The following LBR variants were observed in gnomAD, a reference collection of about 807,000 sequenced individuals.
LBR encodes lamin B receptor.
In LBR, 28 loss-of-function variants were observed where a neutral mutation model predicts 74.3. That is an observed-to-expected ratio of 0.38 (90% CI 0.28 to 0.52). The LOEUF (loss-of-function observed/expected upper bound fraction) is 0.52. Among genes scored for constraint, LBR ranks in the 20% least tolerant of loss-of-function variants. LBR has a pLI of 0.89. For missense variants in LBR, 717 were observed against 760.3 expected (o/e 0.94, Z 0.67); for synonymous variants, 228 against 269.3 (o/e 0.85, Z 1.50).
Position 225,426,973 on chromosome 1 carries a change from T to C in LBR, c.-15+981A>G, listed in dbSNP as rs766642037. 2.0e-5 allele frequency among the ~76,000 whole-genome samples: 3 copies of C among 152,204 alleles called. No homozygotes were observed. The South Asian group carries it at 6.2e-4, about 32-fold the overall frequency. On this transcript the variant is annotated intron_variant, in intron 1 of 13. Transcript: ENST00000272163. ...CCCTCTGCTCTTCTCCGTAGCTCCA[T>C]CTTCTCCCACACACCAGTTACTACA...
At chr1:225,426,942 T>C (rs954432178) in intron 1 of LBR, among the ~76,000 whole-genome samples, 1 of 152,134 alleles carries the variant, frequency 6.6e-6, no homozygotes, top group Admixed American at 6.5e-5. Context: ...TAATCTAAAT[T>C]AGGATCCCTC....
rs557657265 is a variant in LBR, at chr1:225,401,528, T to C, written c.*1775A>G. 6.6e-6 allele frequency: 1 copy of C among 152,124 alleles called. No individual in the cohort carries two copies. 9.4% of individuals were successfully genotyped at this position (152,124 alleles called of 1,614,324 possible). A position where few individuals can be genotyped will look rare whatever the true frequency, so the allele number is the denominator to read the frequency against. ...GATCAAAATGTTGCTACATTTTATT[T>C]TCAACTTAAAACTTCATTATAAAAT... On this transcript the variant is annotated 3_prime_UTR_variant, in exon 14 of 14. Transcript: ENST00000272163.
chr1:225,423,984 T>C lies in LBR; in HGVS notation c.92A>G (p.Asp31Gly). 5.6e-6 allele frequency: 9 copies of C among 1,614,036 alleles called. No homozygotes were observed. The highest frequency in any genetic ancestry group is 6.8e-6 in the Non-Finnish European group (8 of 1,179,870). ...LYYEVEILSH[D>G]STSQLYTVKY... ...CACAGTGTAAAGCTGGGAGGTGCTG[T>C]CGTGGCTCAGAATTTCTACTTCATA... is the stretch of plus-strand genomic sequence containing the variant. The change falls in exon 2 of 14, where the codon GAC (aspartate) becomes GGC (glycine). Residue 31 changes from aspartate (D) to glycine (G), a missense_variant. Physicochemically the swap from Asp to Gly is moderately conservative, Grantham distance 94 (BLOSUM62 -1). Coordinates refer to ENST00000272163, the MANE Select transcript of LBR (RefSeq NM_002296.4).
In LBR at chr1:225,421,012, G is replaced by A. The variant is rs536152187; in HGVS notation, c.366+1065C>T. On this transcript the variant is annotated intron_variant, in intron 3 of 13. Transcript: ENST00000272163. Reference sequence around the variant, plus strand: ...AAATATGGAAGGAAAAACACTAAATGTCTATCATTGACAGAGCTGACTTTA... The same window carrying A: ...AAATATGGAAGGAAAAACACTAAATATCTATCATTGACAGAGCTGACTTTA... Among the ~76,000 whole-genome samples the A allele has an allele frequency of 5.9e-5, 9 of 152,228 alleles. No homozygotes were observed. The South Asian group carries it at 1.9e-3, about 32-fold the overall frequency.
In LBR at chr1:225,402,052, A is replaced by G. The variant is rs1439062048; in HGVS notation, c.*1251T>C. On this transcript the variant is annotated 3_prime_UTR_variant, in exon 14 of 14. Coordinates refer to ENST00000272163, the MANE Select transcript of LBR (RefSeq NM_002296.4). ...TTAGTGAATTTGCTACTGTTCCATT[A>G]CAGGACAATTAAAAATGAGACTATA... is the stretch of plus-strand genomic sequence containing the variant. The G allele has an allele frequency of 6.6e-6, 1 of 152,232 alleles. No individual in the cohort carries two copies. The highest frequency in any genetic ancestry group is 1.5e-5 in the Non-Finnish European group (1 of 68,040). 9.4% of individuals were successfully genotyped at this position (152,232 alleles called of 1,614,324 possible).
At chr1:225,412,916 C>G (rs1193940259) in intron 7 of LBR, among the ~76,000 whole-genome samples, 1 of 151,986 alleles carries the variant, frequency 6.6e-6, no homozygotes, top group Non-Finnish European at 1.5e-5. Flanking sequence ...TAAGGGAAAA[C>G]AGACAAGAAG....
intron 3 of LBR, among the ~76,000 whole-genome samples, chr1:225,420,100 G>A (rs2096124903): frequency 6.6e-6 from 1 of 152,112 alleles, no homozygotes; most frequent in Admixed American, 6.5e-5. Flanking sequence ...CTGAGGTCAG[G>A]AGTTCAAGAC....
chr1:225,407,838 C>T (rs1463736706), intron 10 of LBR, among the ~76,000 whole-genome samples: 2 of 152,078 alleles, frequency 1.3e-5, no homozygotes, highest in Non-Finnish European at 2.9e-5. Context: ...AAAAACCAAT[C>T]TCACAAAATC....
chr1:225,411,356 C>T lies in LBR; in HGVS notation c.1169G>A (p.Arg390His), dbSNP rs752549085. Residue 390 changes from arginine (R) to histidine (H), a missense_variant, in exon 9 of 14, where the codon CGC becomes CAC. Coordinates refer to ENST00000272163, the MANE Select transcript of LBR (RefSeq NM_002296.4). ...ACATACCCATCCAATCAATCCGGGG[C>T]GCAATTCACAAAAGTATTTGAGATC... ...TFDLKYFCELRPGLIGWVVIN... is the reference protein window; with the variant it reads ...TFDLKYFCELHPGLIGWVVIN... The T allele has an allele frequency of 1.1e-5, 18 of 1,613,042 alleles. No homozygotes were observed. Among genetic ancestry groups the T allele is most frequent in the Middle Eastern group, 1.6e-4 (1 of 6,082 alleles).
At chr1:225,404,765 G>A in intron 11 of LBR, 59 bp from the exon 12 acceptor site, 6 of 1,177,304 alleles carry the variant, frequency 5.1e-6, no homozygotes, top group Non-Finnish European at 5.1e-6. Flanking sequence ...ATGCTTAATA[G>A]CATCTGTAAT....
intron 8 of LBR, 22 bp from the exon 9 acceptor site, chr1:225,411,462 C>T: frequency 6.4e-7 from 1 of 1,567,602 alleles, no homozygotes; most frequent in Non-Finnish European, 8.8e-7. Context: ...AAAGTGTTTA[C>T]CCAAACAGCA....
chr1:225,404,600 T>TA (rs2096087686), intron 12 of LBR, 26 bp downstream of exon 12: 1 of 1,574,334 alleles, frequency 6.4e-7, no homozygotes, highest in Non-Finnish European at 8.7e-7. Context: ...GTAATATATA[T>TA]AATATAAACA....
At chr1:225,418,863 C>G (rs1399705361) in intron 5 of LBR, among the ~76,000 whole-genome samples, 1 of 152,208 alleles carries the variant, frequency 6.6e-6, no homozygotes, top group Non-Finnish European at 1.5e-5. Context: ...CCATTTTATG[C>G]AGGCAGCTGA....
intron 5 of LBR, 148 bp from the exon 6 acceptor site, chr1:225,418,328 T>C (rs1298018092): frequency 1.3e-6 from 1 of 776,200 alleles, no homozygotes; most frequent in African/African-American, 1.7e-5. Flanking sequence ...CTCCCATCTC[T>C]ACCTGTCACC....
chr1:225,418,024 A>C lies in LBR; in HGVS notation c.797T>G (p.Phe266Cys). Residue 266 changes from phenylalanine (F) to cysteine (C), a missense_variant, in exon 6 of 14, where the codon TTT becomes TGT. Coordinates refer to ENST00000272163, the MANE Select transcript of LBR (RefSeq NM_002296.4). ...TAGGTAGAACAGGACTTGAATCAAA[A>C]ACCACAGGAGGTAGACCCCAAATAC... ...TRVFGVYLLWFLIQVLFYLLP... is the reference protein window; with the variant it reads ...TRVFGVYLLWCLIQVLFYLLP... The C allele has an allele frequency of 6.2e-7, 1 of 1,614,216 alleles. No homozygotes were observed. The highest frequency in any genetic ancestry group is 8.5e-7 in the Non-Finnish European group (1 of 1,180,030).
At chr1:225,425,104 T>C (rs1443965151) in intron 1 of LBR, among the ~76,000 whole-genome samples, 1 of 152,164 alleles carries the variant, frequency 6.6e-6, no homozygotes, top group Non-Finnish European at 1.5e-5. Flanking sequence ...CAATGTACAT[T>C]CCTCACTGGC....
At chr1:225,418,415 G>T (rs2096121512) in intron 5 of LBR, among the ~76,000 whole-genome samples, 1 of 151,594 alleles carries the variant, frequency 6.6e-6, no homozygotes, top group Admixed American at 6.6e-5. Flanking sequence ...AAAGAAAGAG[G>T]TCCAACATTG....
intron 3 of LBR, among the ~76,000 whole-genome samples, chr1:225,421,580 C>T (rs912437038): frequency 3.9e-5 from 6 of 152,228 alleles, no homozygotes; most frequent in Non-Finnish European, 8.8e-5. Flanking sequence ...CATACTTTGT[C>T]TTTGGTCTAC....
rs535521971 is a variant in LBR, at chr1:225,403,196, G to T, written c.*107C>A. 5.7e-6 allele frequency: 6 copies of T among 1,053,224 alleles called. No individual in the cohort carries two copies. Among genetic ancestry groups the T allele is most frequent in the Admixed American group, 1.8e-5 (1 of 56,888 alleles). The allele number at this position is 1,053,224 out of a possible 1,614,324, so 65.2% of individuals were successfully genotyped here. Reference sequence around the variant, plus strand: ...TCCTGACTCAAAAAGAAAAAAAAAAGTACAGACCCTGTCAGTGCAACAAAA... The same window carrying T: ...TCCTGACTCAAAAAGAAAAAAAAAATTACAGACCCTGTCAGTGCAACAAAA... On this transcript the variant is annotated 3_prime_UTR_variant, in exon 14 of 14. Transcript: ENST00000272163.
Sources: gnomAD v4.1 joint callset for allele counts (sites outside exome capture counted in the v4.1 genomes callset) on GRCh38, gnomAD v4.1.1 for gene constraint, MANE v1.5 for transcripts, NCBI Gene and HGNC (gene_info 2026-07-23, HGNC 2026-07-21) for gene names.